CD44: variants seen among roughly 807,000 people sequenced by gnomAD.
CD44 encodes the protein CD44 antigen.
Under a neutral mutation model 88.8 loss-of-function variants are expected in CD44, and 49 were observed. The observed-to-expected ratio is 0.55, with a 90% confidence interval of 0.44 to 0.70. The LOEUF is 0.70. Among genes scored for constraint, CD44 ranks in the 30% least tolerant of loss-of-function variants. The pLI is 0.00. For synonymous variants in CD44, 325 were observed against 312.3 expected (o/e 1.04, Z -0.43); for missense variants, 883 against 913.8 (o/e 0.97, Z 0.43).
intron 2 of CD44, among the ~76,000 whole-genome samples, chr11:35,178,231 G>T (rs1944654544): frequency 6.6e-6 from 1 of 152,192 alleles, no homozygotes; most frequent in Non-Finnish European, 1.5e-5. Context: ...TACAAACAAG[G>T]CATACTTGCA....
At chr11:35,170,979 T>A (rs1379340199) in intron 1 of CD44, among the ~76,000 whole-genome samples, 1 of 152,228 alleles carries the variant, frequency 6.6e-6, no homozygotes, top group Admixed American at 6.5e-5. Flanking sequence ...AGTTTCTCCA[T>A]CTGGAAAATG....
Position 35,229,124 on chromosome 11 carries a change from A to G in CD44, c.2025-5A>G. ...TCTGATATGGTACATTTTTTAAATT[A>G]TTAGGTGTGGGCAGAAGAAAAAGCT... On this transcript the variant is annotated splice_region_variant and splice_polypyrimidine_tract_variant and intron_variant, in intron 17 of 17. Transcript: ENST00000428726. The G allele has an allele frequency of 6.8e-6, 11 of 1,609,556 alleles. No homozygotes were observed. Among genetic ancestry groups the G allele is most frequent in the Non-Finnish European group, 8.5e-6 (10 of 1,177,744 alleles).
chr11:35,224,994 A>C (rs1949594053), intron 17 of CD44, among the ~76,000 whole-genome samples: 1 of 152,072 alleles, frequency 6.6e-6, no homozygotes. Context: ...ATCTGAGCTC[A>C]CCCAACCTCG....
At position 35,160,856 on chromosome 11, in the gene CD44, G is replaced by A. The variant is rs187397489; in HGVS notation, c.68-15719G>A. Reference sequence around the variant, plus strand: ...AGTGGAACCCACTTTGGTTATATGGGTTAGGACACTTGAGGCAGGATCCTC... The same window carrying A: ...AGTGGAACCCACTTTGGTTATATGGATTAGGACACTTGAGGCAGGATCCTC... On this transcript the variant is annotated intron_variant, in intron 1 of 17. Coordinates refer to ENST00000428726, the MANE Select transcript of CD44 (RefSeq NM_000610.4). 6.4e-4 allele frequency among the ~76,000 whole-genome samples: 97 copies of A among 152,304 alleles called. 1 individual carries two copies. The highest frequency in any genetic ancestry group is 3.4e-3 in the Middle Eastern group (1 of 294).
chr11:35,191,464 C>G (rs892553559), intron 5 of CD44, among the ~76,000 whole-genome samples: 3 of 152,128 alleles, frequency 2.0e-5, no homozygotes, highest in Non-Finnish European at 4.4e-5. Flanking sequence ...CGTGGGCAAC[C>G]CTTCTTGAGA....
chr11:35,187,650 G>A (rs1370048206), intron 4 of CD44, among the ~76,000 whole-genome samples: 1 of 152,158 alleles, frequency 6.6e-6, no homozygotes, highest in African/African-American at 2.4e-5. Context: ...GCTGCTGAAA[G>A]CTCTGGGTCT....
At chr11:35,155,621 A>G (rs1333574531) in intron 1 of CD44, among the ~76,000 whole-genome samples, 1 of 152,196 alleles carries the variant, frequency 6.6e-6, no homozygotes, top group Non-Finnish European at 1.5e-5. Flanking sequence ...AATCTGTTAT[A>G]ATTTACAAGA....
At chr11:35,199,934 G>GTTTTTTTTTTTTTTTTTTT (rs60509735) in intron 7 of CD44, among the ~76,000 whole-genome samples, 1 of 90,880 alleles carries the variant, frequency 1.1e-5, no homozygotes, top group African/African-American at 4.4e-5. Context: ...CCATGGTGTT[G>GTTTTTTTTTTTTTTTTTTT]TTTTTTTTTT....
At chr11:35,155,555 A>G (rs1941752433) in intron 1 of CD44, among the ~76,000 whole-genome samples, 1 of 152,204 alleles carries the variant, frequency 6.6e-6, no homozygotes, top group Non-Finnish European at 1.5e-5. Flanking sequence ...ATAATACCTA[A>G]AACTTTATCC....
At chr11:35,192,586 G>T (rs1048917193) in intron 5 of CD44, among the ~76,000 whole-genome samples, 4 of 152,060 alleles carry the variant, frequency 2.6e-5, no homozygotes, top group African/African-American at 9.7e-5. Context: ...GGCCTGTAGT[G>T]GGTGGCAATA....
chr11:35,169,267 G>A (rs1292079589), intron 1 of CD44, among the ~76,000 whole-genome samples: 2 of 152,096 alleles, frequency 1.3e-5, no homozygotes, highest in Admixed American at 6.5e-5. Flanking sequence ...TGTTGTCAAC[G>A]AAGCCCACAG....
chr11:35,212,828 T>A (rs1408435295), intron 14 of CD44: 1 of 151,932 alleles, frequency 6.6e-6, no homozygotes, highest in Admixed American at 6.6e-5. Context: ...ACCCAATGAA[T>A]TTAATTTTTT....
intron 1 of CD44, among the ~76,000 whole-genome samples, chr11:35,158,142 C>G (rs12282190): frequency 0.058 from 8,867 of 152,262 alleles, 409 homozygotes; most frequent in African/African-American, 0.13. Flanking sequence ...GGTTTCTTCT[C>G]CAAAAGTAGC....
intron 1 of CD44, among the ~76,000 whole-genome samples, chr11:35,150,670 C>T (rs1860136894): frequency 6.6e-6 from 1 of 152,208 alleles, no homozygotes; most frequent in African/African-American, 2.4e-5. Context: ...GCTCAGATCT[C>T]ACATCCTGTG....
intron 1 of CD44, among the ~76,000 whole-genome samples, chr11:35,159,788 G>T (rs1319453515): frequency 6.6e-6 from 1 of 152,222 alleles, no homozygotes; most frequent in Non-Finnish European, 1.5e-5. Context: ...CTTTTATATG[G>T]TGGGGCTGGA....
In CD44 at chr11:35,180,333, C is replaced by A; in HGVS notation, c.293C>A (p.Ala98Glu). 1 of 1,613,998 alleles carries A rather than the reference C, an allele frequency of 6.2e-7. No individual in the cohort carries two copies. Among genetic ancestry groups the A allele is most frequent in the Non-Finnish European group, 8.5e-7 (1 of 1,179,874 alleles). The change falls in exon 3 of 18, where the codon GCA (alanine) becomes GAA (glutamate). Residue 98 changes from alanine (A) to glutamate (E), a missense_variant. Ala to Glu is a moderately radical substitution (Grantham distance 107). Transcript: ENST00000428726. ...CGGATCCACCCCAACTCCATCTGTG[C>A]AGCAAACAACACAGGGGTGTACATC... ...IPRIHPNSIC[A>E]ANNTGVYILT...
intron 1 of CD44, among the ~76,000 whole-genome samples, chr11:35,170,756 A>C (rs1212027163): frequency 6.6e-6 from 1 of 152,230 alleles, no homozygotes; most frequent in African/African-American, 2.4e-5. Context: ...TGAATCACAG[A>C]GTTCTCTGTT....
intron 1 of CD44, among the ~76,000 whole-genome samples, chr11:35,166,940 A>G (rs1943341287): frequency 6.6e-6 from 1 of 152,234 alleles, no homozygotes; most frequent in Non-Finnish European, 1.5e-5. Flanking sequence ...TGGATGCTAA[A>G]CAATACACCC....
intron 7 of CD44, among the ~76,000 whole-genome samples, chr11:35,199,942 T>TTG (rs1376229793): frequency 6.8e-6 from 1 of 146,674 alleles, no homozygotes; most frequent in Non-Finnish European, 1.5e-5. Flanking sequence ...TTGTTTTTTT[T>TTG]TTTTTTTTTT....
Sources: allele counts gnomAD v4.1 joint callset (sites outside exome capture counted in the v4.1 genomes callset), GRCh38; gene constraint gnomAD v4.1.1; transcripts MANE v1.5; gene names NCBI Gene and HGNC (gene_info 2026-07-23, HGNC 2026-07-21).